Variants in NCDN observed in about 807,000 individuals in gnomAD.
NCDN encodes neurochondrin, also known as norbin.
NCDN carries 9 observed loss-of-function variants against 60.7 expected under a neutral mutation model. That is an observed-to-expected ratio of 0.15 (90% CI 0.09 to 0.26). NCDN has a LOEUF of 0.26. Ranked by LOEUF, NCDN falls within the 10% of genes least tolerant of loss-of-function variation. NCDN has a pLI of 1.00. For synonymous variants in NCDN, 409 were observed against 442.5 expected, an observed-to-expected ratio of 0.92 and a Z score of 0.95; for missense variants, 578 against 975.2, an observed-to-expected ratio of 0.59 and a Z score of 5.42.
rs1648666114 is a variant in NCDN at position 35,560,642 on chromosome 1, G to A, written c.491G>A (p.Gly164Asp). The A allele has an allele frequency of 1.2e-6, 2 of 1,613,310 alleles. No homozygotes were observed. Among genetic ancestry groups the A allele is most frequent in the South Asian group, 1.1e-5 (1 of 91,092 alleles). ...DTYQCLTAVA[G>D]TPRGPRHLIA... is the part of the protein sequence containing the mutation. ...TACCAGTGCCTGACGGCTGTAGCAG[G>A]CACACCCAGAGGGCCTCGGCACCTC... is the stretch of plus-strand genomic sequence containing the variant. Residue 164 changes from glycine (G) to aspartate (D), a missense_variant, in exon 3 of 7, where the codon GGC becomes GAC. Transcript: ENST00000373243. The surrounding 1 kb of genome is among the most constrained non-coding windows in gnomAD (Gnocchi z 7.6).
chr1:35,560,669 T>C lies in NCDN; in HGVS notation c.518T>C (p.Ile173Thr). Reference sequence around the variant, plus strand: ...ACACCCAGAGGGCCTCGGCACCTCATTGCTGGTGGCACCGTGTCTGCCCTA... The same window carrying C: ...ACACCCAGAGGGCCTCGGCACCTCACTGCTGGTGGCACCGTGTCTGCCCTA... ...AGTPRGPRHLIAGGTVSALCQ... is the reference protein window; with the variant it reads ...AGTPRGPRHLTAGGTVSALCQ... Residue 173 changes from isoleucine to threonine, a missense_variant, in exon 3 of 7, where the codon ATT (isoleucine) becomes ACT (threonine). Physicochemically the swap from Ile to Thr is moderately conservative, Grantham distance 89. Around this residue, in one of 3 missense-constraint regions of NCDN, gnomAD observed 363 missense variants for 583.6 expected, o/e 0.62. Coordinates refer to ENST00000373243, the MANE Select transcript of NCDN (RefSeq NM_014284.3). This position sits in a 1 kb window ranked among gnomAD's most constrained non-coding sequence, Gnocchi z 7.6. The C allele has an allele frequency of 1.2e-6, 2 of 1,613,282 alleles. No individual in the cohort carries two copies. The highest frequency in any genetic ancestry group is 8.5e-7 in the Non-Finnish European group (1 of 1,180,030).
Position 35,560,482 on chromosome 1 carries a change from C to A in NCDN, c.331C>A (p.Leu111Met). The part of the protein sequence containing the change: ...HVLRALGVAL[L>M]ACFCSDPELA... ...TCTGCGGGCTTTGGGTGTGGCCCTG[C>A]TGGCCTGCTTCTGCAGTGACCCTGA... Residue 111 changes from leucine to methionine, a missense_variant, in exon 3 of 7, where the codon CTG becomes ATG. Transcript: ENST00000373243. This position sits in a 1 kb window ranked among gnomAD's most constrained non-coding sequence, Gnocchi z 7.6. 6.2e-7 allele frequency: 1 copy of A among 1,614,004 alleles called. No individual in the cohort carries two copies. The highest frequency in any genetic ancestry group is 2.2e-5 in the East Asian group (1 of 44,890).
At position 35,565,300 on chromosome 1, in the gene NCDN, G is replaced by A. The variant is rs374075888; in HGVS notation, c.1827G>A (p.Ala609=). The A allele has an allele frequency of 4.1e-5, 66 of 1,613,944 alleles. No individual in the cohort carries two copies. The highest frequency in any genetic ancestry group is 6.7e-5 in the Admixed American group (4 of 59,998). Residue 609 remains alanine (A), a synonymous_variant, in exon 7 of 7, where the codon GCG becomes GCA. Coordinates refer to ENST00000373243, the MANE Select transcript of NCDN (RefSeq NM_014284.3). The surrounding 1 kb of genome is among the most constrained non-coding windows in gnomAD (Gnocchi z 8.9). ...TCTTCCTATCACAGTCCCACGTGGC[G>A]CGGGCCACCCCGGGCTCAGACCAGG... ...AILFLSQSHV[A]RATPGSDQAV...
intron 2 of NCDN, among the ~76,000 whole-genome samples, 158 bp downstream of exon 2, chr1:35,559,405 C>T (rs1453608422): frequency 1.3e-5 from 2 of 152,030 alleles, no homozygotes; most frequent in Non-Finnish European, 2.9e-5. Flanking sequence ...CTTTTTTGCT[C>T]CCCCTGAGAA....
At chr1:35,564,095 TC>T (rs1398450378) in intron 6 of NCDN, among the ~76,000 whole-genome samples, 186 bp downstream of exon 6, 1 of 152,320 alleles carries the variant, frequency 6.6e-6, no homozygotes, top group African/African-American at 2.4e-5. Flanking sequence ...ACATTCTCTT[TC>T]TTCTGAAGAC....
At position 35,560,476 on chromosome 1, in the gene NCDN, G is replaced by C. The variant is rs1648658587; in HGVS notation, c.325G>C (p.Ala109Pro). The C allele has an allele frequency of 1.2e-6, 2 of 1,613,854 alleles. No homozygotes were observed. Among genetic ancestry groups the C allele is most frequent in the African/African-American group, 2.7e-5 (2 of 74,944 alleles). ...CCATGTTCTGCGGGCTTTGGGTGTG[G>C]CCCTGCTGGCCTGCTTCTGCAGTGA... is the stretch of plus-strand genomic sequence containing the variant. Reference protein sequence around the residue: ...PDHVLRALGVALLACFCSDPE... With the variant: ...PDHVLRALGVPLLACFCSDPE... The change falls in exon 3 of 7, where the codon GCC becomes CCC. Residue 109 changes from alanine (A) to proline (P), a missense_variant. This residue lies in a region of NCDN where 363 missense variants were observed against 583.6 expected (regional missense o/e 0.62). Transcript: ENST00000373243. The surrounding 1 kb of genome is among the most constrained non-coding windows in gnomAD (Gnocchi z 7.6).
intron 6 of NCDN, among the ~76,000 whole-genome samples, chr1:35,564,186 C>A (rs1648798320): frequency 6.6e-6 from 1 of 152,206 alleles, no homozygotes; most frequent in African/African-American, 2.4e-5. Flanking sequence ...CCCTGGCAGC[C>A]AGAGGAATCT....
chr1:35,558,058 C>T lies in NCDN; in HGVS notation c.-133C>T, dbSNP rs74969398. 1.9e-6 allele frequency: 2 copies of T among 1,045,858 alleles called. No individual in the cohort carries two copies. The highest frequency in any genetic ancestry group is 2.7e-6 in the Non-Finnish European group (2 of 735,080). 64.8% of individuals were successfully genotyped at this position (1,045,858 alleles called of 1,614,324 possible). On this transcript the variant is annotated 5_prime_UTR_variant, in exon 1 of 7. Coordinates refer to ENST00000373243, the MANE Select transcript of NCDN (RefSeq NM_014284.3). This position sits in a 1 kb window ranked among gnomAD's most constrained non-coding sequence, Gnocchi z 6.3. ...TGTCACAGCCCTTTTCAATATATAT[C>T]TTTTTTTTTTTTAATTTGCCCTGTC...
rs941987865 is a variant in NCDN, at chr1:35,561,531, G to A, written c.1143+237G>A. On this transcript the variant is annotated intron_variant, in intron 3 of 6. Coordinates refer to ENST00000373243, the MANE Select transcript of NCDN (RefSeq NM_014284.3). This position sits in a 1 kb window ranked among gnomAD's most constrained non-coding sequence, Gnocchi z 4.9. ...CACTCACATCACAGTACACACACACGCACACACACACAACACAGTAACCTC... is the reference window on the plus strand; with the variant it reads ...CACTCACATCACAGTACACACACACACACACACACACAACACAGTAACCTC... 6.6e-6 allele frequency among the ~76,000 whole-genome samples: 1 copy of A among 150,834 alleles called. No homozygotes were observed. Among genetic ancestry groups the A allele is most frequent in the Non-Finnish European group, 1.5e-5 (1 of 67,660 alleles).
Position 35,560,245 on chromosome 1 carries a change from C to G in NCDN, c.175-81C>G. 1 of 1,520,636 alleles carries G rather than the reference C, an allele frequency of 6.6e-7. No individual in the cohort carries two copies. Among genetic ancestry groups the G allele is most frequent in the South Asian group, 1.2e-5 (1 of 80,682 alleles). The allele number at this position is 1,520,636 out of a possible 1,614,324, so 94.2% of individuals were successfully genotyped here. A position where few individuals can be genotyped will look rare whatever the true frequency, so the allele number is the denominator to read the frequency against. On this transcript the variant is annotated intron_variant, in intron 2 of 6. Coordinates refer to ENST00000373243, the MANE Select transcript of NCDN (RefSeq NM_014284.3). This position sits in a 1 kb window ranked among gnomAD's most constrained non-coding sequence, Gnocchi z 7.6. ...GTTGCATAACCTCATCTTGCTAGTC[C>G]TCAGTGCCCCAGGATGCAGGAGAGG...
At chr1:35,559,995 C>A (rs1174973769) in intron 2 of NCDN, among the ~76,000 whole-genome samples, 1 of 152,046 alleles carries the variant, frequency 6.6e-6, no homozygotes, top group Non-Finnish European at 1.5e-5. Context: ...CTTGGGAGAT[C>A]TTAAAACATT....
chr1:35,559,500 A>G (rs1454855529), intron 2 of NCDN, among the ~76,000 whole-genome samples: 1 of 152,066 alleles, frequency 6.6e-6, no homozygotes, highest in East Asian at 1.9e-4. Context: ...CCCAGAGCAG[A>G]TGGAAGCTGA....
In NCDN at chr1:35,563,089, A is replaced by T. The variant is rs898728312; in HGVS notation, c.1386-113A>T. 1 of 984,802 alleles carries T rather than the reference A, an allele frequency of 1.0e-6. No homozygotes were observed. Among genetic ancestry groups the T allele is most frequent in the African/African-American group, 1.6e-5 (1 of 60,972 alleles). The allele number at this position is 984,802 out of a possible 1,614,324, so 61.0% of individuals were successfully genotyped here. A position where few individuals can be genotyped will look rare whatever the true frequency, so the allele number is the denominator to read the frequency against. ...TACTTTTTCTGTGGTACCTGCGAGG[A>T]TGTGTCCTTCTCCCCTACTTCCATT... On this transcript the variant is annotated intron_variant, in intron 4 of 6. Coordinates refer to ENST00000373243, the MANE Select transcript of NCDN (RefSeq NM_014284.3). The surrounding 1 kb of genome is among the most constrained non-coding windows in gnomAD (Gnocchi z 6.6).
In NCDN at chr1:35,563,852, G is replaced by T. The variant is rs777114789; in HGVS notation, c.1696G>T (p.Ala566Ser). ...LVQQQGRLLL[A>S]ANVATLGLLM... Reference sequence around the variant, plus strand: ...GCAGCAACAGGGAAGGCTGCTTCTGGCTGCTAATGTGGCCACCCTGGGGCT... The same window carrying T: ...GCAGCAACAGGGAAGGCTGCTTCTGTCTGCTAATGTGGCCACCCTGGGGCT... Residue 566 changes from alanine (A) to serine (S), a missense_variant, in exon 6 of 7, where the codon GCT becomes TCT. Ala to Ser is a moderately conservative substitution (Grantham distance 99). Coordinates refer to ENST00000373243, the MANE Select transcript of NCDN (RefSeq NM_014284.3). This position sits in a 1 kb window ranked among gnomAD's most constrained non-coding sequence, Gnocchi z 6.6. The T allele has an allele frequency of 6.2e-7, 1 of 1,614,074 alleles. No homozygotes were observed.
Position 35,562,496 on chromosome 1 carries a change from G to A in NCDN, c.1248G>A (p.Gln416=). ...CATCCTTGCGTAAGGAGGTGTGCCAGCTGCTGCCCTTCCTCGTCCGCTATG... is the reference window on the plus strand; with the variant it reads ...CATCCTTGCGTAAGGAGGTGTGCCAACTGCTGCCCTTCCTCGTCCGCTATG... The part of the protein sequence containing the change: ...ETSSLRKEVC[Q]LLPFLVRYAK... Residue 416 remains glutamine (Q), a synonymous_variant, in exon 4 of 7, where the codon CAG becomes CAA. Transcript: ENST00000373243. The surrounding 1 kb of genome is among the most constrained non-coding windows in gnomAD (Gnocchi z 6.8). 1 of 1,614,192 alleles carries A rather than the reference G, an allele frequency of 6.2e-7. No individual in the cohort carries two copies. Among genetic ancestry groups the A allele is most frequent in the African/African-American group, 1.3e-5 (1 of 75,050 alleles).
intron 2 of NCDN, among the ~76,000 whole-genome samples, 177 bp downstream of exon 2, chr1:35,559,424 AAG>A (rs774846814): frequency 6.6e-6 from 1 of 152,112 alleles, no homozygotes; most frequent in Non-Finnish European, 1.5e-5. Flanking sequence ...AATGGGGGCA[AAG>A]AGGAGAATGG....
At position 35,560,527 on chromosome 1, in the gene NCDN, G is replaced by A; in HGVS notation, c.376G>A (p.Val126Ile). The part of the protein sequence containing the change: ...SDPELAAHPQ[V>I]LNKIPILSTF... The stretch of plus-strand genomic sequence containing the variant: ...CCCTGAACTGGCCGCCCATCCCCAA[G>A]TCCTGAACAAGATTCCCATTCTTAG... The change falls in exon 3 of 7, where the codon GTC (valine) becomes ATC (isoleucine). Residue 126 changes from valine to isoleucine, a missense_variant. Physicochemically the swap from Val to Ile is conservative, Grantham distance 29. Coordinates refer to ENST00000373243, the MANE Select transcript of NCDN (RefSeq NM_014284.3). This position sits in a 1 kb window ranked among gnomAD's most constrained non-coding sequence, Gnocchi z 7.6. 6.2e-7 allele frequency: 1 copy of A among 1,613,902 alleles called. No homozygotes were observed. Among genetic ancestry groups the A allele is most frequent in the Non-Finnish European group, 8.5e-7 (1 of 1,180,042 alleles).
At position 35,563,233 on chromosome 1, in the gene NCDN, G is replaced by A. The variant is rs956053377; in HGVS notation, c.1417G>A (p.Val473Ile). 1.1e-5 allele frequency: 18 copies of A among 1,613,806 alleles called. No homozygotes were observed. Among genetic ancestry groups the A allele is most frequent in the African/African-American group, 2.7e-5 (2 of 74,936 alleles). Residue 473 changes from valine to isoleucine, a missense_variant, in exon 5 of 7, where the codon GTT (valine) becomes ATT (isoleucine). Around this residue, in one of 3 missense-constraint regions of NCDN, gnomAD observed 191 missense variants for 372.1 expected, o/e 0.51. Transcript: ENST00000373243. The surrounding 1 kb of genome is among the most constrained non-coding windows in gnomAD (Gnocchi z 6.6). ...CCTGCCTGGCTGGTGCCACCTGACC[G>A]TTGAAGATGGGCCCCGGGAGATCCT... ...LLLPGWCHLTVEDGPREILIK... is the reference protein window; with the variant it reads ...LLLPGWCHLTIEDGPREILIK...
In NCDN at chr1:35,565,956, C is replaced by T; in HGVS notation, c.*293C>T. The stretch of plus-strand genomic sequence containing the variant: ...CCCCAGGGAGGGGGGCACTAGGTGT[C>T]ATTGTGCCCGATGTCTGGCTCCCCT... On this transcript the variant is annotated 3_prime_UTR_variant, in exon 7 of 7. Coordinates refer to ENST00000373243, the MANE Select transcript of NCDN (RefSeq NM_014284.3). This position sits in a 1 kb window ranked among gnomAD's most constrained non-coding sequence, Gnocchi z 8.9. 2.6e-6 allele frequency: 1 copy of T among 389,660 alleles called. No individual in the cohort carries two copies. Among genetic ancestry groups the T allele is most frequent in the Non-Finnish European group, 4.7e-6 (1 of 212,580 alleles). 24.1% of individuals were successfully genotyped at this position (389,660 alleles called of 1,614,324 possible). A position where few individuals can be genotyped will look rare whatever the true frequency, so the allele number is the denominator to read the frequency against.
Sources: allele counts gnomAD v4.1 joint callset (sites outside exome capture counted in the v4.1 genomes callset), GRCh38; gene constraint gnomAD v4.1.1; regional missense constraint gnomAD v4.1.1; non-coding constraint Gnocchi (gnomAD v3.1); transcripts MANE v1.5; gene names NCBI Gene and HGNC (gene_info 2026-07-23, HGNC 2026-07-21).